DGCR8: variants seen among roughly 807,000 people sequenced by gnomAD.
DGCR8 encodes microprocessor complex subunit DGCR8.
In DGCR8, 14 loss-of-function variants were observed where a neutral mutation model predicts 78.5. That is an observed-to-expected ratio of 0.18 (90% CI 0.12 to 0.28). The LOEUF (loss-of-function observed/expected upper bound fraction) is 0.28, where lower values mean the gene tolerates loss of function less well. DGCR8 is among the 10% of genes least tolerant of loss of function. The pLI, the probability that DGCR8 is intolerant of heterozygous loss-of-function variation, is 1.00. For synonymous variants in DGCR8, 399 were observed against 402.4 expected, an observed-to-expected ratio of 0.99 and a Z score of 0.10; for missense variants, 702 against 1,022.5, an observed-to-expected ratio of 0.69 and a Z score of 4.28.
At chr22:20,097,808 T>C (rs1367695050) in intron 9 of DGCR8, among the ~76,000 whole-genome samples, 3 of 129,180 alleles carry the variant, frequency 2.3e-5, no homozygotes, top group Non-Finnish European at 4.7e-5. Flanking sequence ...GTTTTTATAC[T>C]TTAATTCTTT....
chr22:20,106,385 C>T, intron 10 of DGCR8, 108 bp downstream of exon 10: 1 of 1,022,648 alleles, frequency 9.8e-7, no homozygotes. Context: ...GGCCAGGTTT[C>T]CCTGGGTACA....
intron 7 of DGCR8, 114 bp from the exon 8 acceptor site, chr22:20,092,695 A>T: frequency 1.2e-6 from 1 of 848,688 alleles, no homozygotes; most frequent in Non-Finnish European, 1.9e-6. Flanking sequence ...GCACAGGCCC[A>T]CTCTCTGCAG....
At chr22:20,095,234 T>G (rs2049614289) in intron 9 of DGCR8, among the ~76,000 whole-genome samples, 1 of 152,086 alleles carries the variant, frequency 6.6e-6, no homozygotes, top group Admixed American at 6.5e-5. Context: ...GCTTCCTGAG[T>G]AGCTGGGATT....
chr22:20,102,134 G>A (rs2049710388), intron 9 of DGCR8: 1 of 923,376 alleles, frequency 1.1e-6, no homozygotes, highest in African/African-American at 1.8e-5. Flanking sequence ...TTCACTTTTT[G>A]GTACAGTACT....
chr22:20,081,637 C>T (rs1602473302), intron 1 of DGCR8, among the ~76,000 whole-genome samples: 1 of 152,322 alleles, frequency 6.6e-6, no homozygotes, highest in Admixed American at 6.5e-5. Context: ...TGTGATGTCA[C>T]CCAGCCTCCT....
At position 20,095,737 on chromosome 22, in the gene DGCR8, A is replaced by G. The variant is rs174889; in HGVS notation, c.1788+942A>G. 3.7e-3 allele frequency among the ~76,000 whole-genome samples: 558 copies of G among 152,236 alleles called. 4 individuals are homozygous for G. Among genetic ancestry groups the G allele is most frequent in the Non-Finnish European group, 6.6e-3 (446 of 68,012 alleles). On this transcript the variant is annotated intron_variant, in intron 9 of 13. Coordinates refer to ENST00000351989, the MANE Select transcript of DGCR8 (RefSeq NM_022720.7). The stretch of plus-strand genomic sequence containing the variant: ...CATTTATTGTGCACTTTTTATTTCT[A>G]TTATCACTACACTGTAATATGTAAT...
At chr22:20,110,003 C>G (rs1217400105) in intron 13 of DGCR8, 22 bp from the exon 14 acceptor site, 1 of 1,613,014 alleles carries the variant, frequency 6.2e-7, no homozygotes, top group Non-Finnish European at 8.5e-7. Flanking sequence ...ACTGGTACCC[C>G]TGACCTTTGT....
rs9618739 is a variant in DGCR8 at position 20,087,489 on chromosome 22, C to T, written c.880+168C>T. On this transcript the variant is annotated intron_variant, in intron 3 of 13. Coordinates refer to ENST00000351989, the MANE Select transcript of DGCR8 (RefSeq NM_022720.7). This position sits in a 1 kb window ranked among gnomAD's most constrained non-coding sequence, Gnocchi z 4.1. ...AGGAGGGAAACACAGGATGGGAGGA[C>T]GTCCTGATGCATGACCCAGATGCGG... Among the ~76,000 whole-genome samples, 33 of 152,118 alleles carry T rather than the reference C, an allele frequency of 2.2e-4. No homozygotes were observed. The East Asian group carries it at 4.8e-3, about 22-fold the overall frequency.
chr22:20,106,708 CCTT>C lies in DGCR8; in HGVS notation c.1996+13_1996+15del, dbSNP rs772846235. ...ACAGTGCGCGGGTGGTGTAAGGACTCCTTCTCTGCTGCCTGGTGGCCGCTGGGC... is the reference window on the plus strand; with the variant it reads ...ACAGTGCGCGGGTGGTGTAAGGACTCCTCTGCTGCCTGGTGGCCGCTGGGC... On this transcript the variant is annotated intron_variant, in intron 11 of 13. Transcript: ENST00000351989. 4.3e-5 allele frequency: 68 copies of C among 1,599,222 alleles called. No individual in the cohort carries two copies. The South Asian group carries it at 6.3e-4, about 15-fold the overall frequency.
At position 20,089,094 on chromosome 22, in the gene DGCR8, G is replaced by A. The variant is rs1362588545; in HGVS notation, c.881-575G>A. On this transcript the variant is annotated intron_variant, in intron 3 of 13. Coordinates refer to ENST00000351989, the MANE Select transcript of DGCR8 (RefSeq NM_022720.7). This position sits in a 1 kb window ranked among gnomAD's most constrained non-coding sequence, Gnocchi z 4.9. ...ACGCTCTTCCCAGCAGTCAGGCCTG[G>A]TGGCAGGTGTCAAGTTGATAAGTCG... Among the ~76,000 whole-genome samples the A allele has an allele frequency of 6.6e-6, 1 of 152,238 alleles. No homozygotes were observed. Among genetic ancestry groups the A allele is most frequent in the Non-Finnish European group, 1.5e-5 (1 of 68,040 alleles).
chr22:20,092,000 A>G (rs1206989655), intron 7 of DGCR8, 30 bp downstream of exon 7: 1 of 1,565,284 alleles, frequency 6.4e-7, no homozygotes, highest in African/African-American at 1.4e-5. Flanking sequence ...TTTCAGTCCT[A>G]AAGAATCACA....
chr22:20,091,832 T>C (rs1267734191), intron 6 of DGCR8, 37 bp from the exon 7 acceptor site: 1 of 1,594,906 alleles, frequency 6.3e-7, no homozygotes, highest in Non-Finnish European at 8.6e-7. Flanking sequence ...CTTGTGGCAC[T>C]GCTTCACACT....
intron 11 of DGCR8, 76 bp from the exon 12 acceptor site, chr22:20,107,195 G>C: frequency 1.3e-6 from 2 of 1,579,232 alleles, no homozygotes; most frequent in East Asian, 4.5e-5. Context: ...GGTCAGGAGG[G>C]CTGGGAGCGG....
rs1314258293 is a variant in DGCR8, at chr22:20,091,555, C to T, written c.1427C>T (p.Ala476Val). ...AATCGGGAAATGAAGCGGAAGCAGG[C>T]GGAGTCCGAGAGGCCCATCTTGCCA... is the stretch of plus-strand genomic sequence containing the variant. ...QFNREMKRKQ[A>V]ESERPILPAN... Residue 476 changes from alanine (A) to valine (V), a missense_variant, in exon 6 of 14, where the codon GCG becomes GTG. Around this residue, in one of 4 missense-constraint regions of DGCR8, gnomAD observed 225 missense variants for 427.7 expected, o/e 0.53. Coordinates refer to ENST00000351989, the MANE Select transcript of DGCR8 (RefSeq NM_022720.7). 23 of 1,614,194 alleles carry T rather than the reference C, an allele frequency of 1.4e-5. No homozygotes were observed. Among genetic ancestry groups the T allele is most frequent in the East Asian group, 1.1e-4 (5 of 44,886 alleles).
intron 3 of DGCR8, among the ~76,000 whole-genome samples, chr22:20,088,343 A>G (rs1301879321): frequency 6.6e-6 from 1 of 152,142 alleles, no homozygotes; most frequent in African/African-American, 2.4e-5. Context: ...CAACAGGCTC[A>G]TTCAGAAGGT....
chr22:20,096,341 G>T (rs191316054), intron 9 of DGCR8: 389 of 467,702 alleles, frequency 8.3e-4, no homozygotes, highest in African/African-American at 7.9e-3. Flanking sequence ...GTATCTCAGG[G>T]GTGGCAGAGG....
At chr22:20,106,800 C>A in intron 11 of DGCR8, 102 bp downstream of exon 11, 1 of 829,488 alleles carries the variant, frequency 1.2e-6, no homozygotes, top group Non-Finnish European at 2.0e-6. Context: ...CTGGCATTGT[C>A]CCTGAGCCCA....
At chr22:20,100,733 G>A in intron 9 of DGCR8, 1 of 985,424 alleles carries the variant, frequency 1.0e-6, no homozygotes, top group Non-Finnish European at 1.2e-6. Context: ...TCCCCAGGTG[G>A]AGAAGGACAT....
chr22:20,111,658 C>T lies in DGCR8; in HGVS notation c.*1550C>T, dbSNP rs2049848084. 3.0e-6 allele frequency: 1 copy of T among 334,376 alleles called. No individual in the cohort carries two copies. The highest frequency in any genetic ancestry group is 5.4e-6 in the Non-Finnish European group (1 of 185,592). 20.7% of individuals were successfully genotyped at this position (334,376 alleles called of 1,614,324 possible). Reference sequence around the variant, plus strand: ...GGAGCCTCGCTGTGTCTTGCTGTTCCCAGGCACCACCACAGCAGGTGCTGC... The same window carrying T: ...GGAGCCTCGCTGTGTCTTGCTGTTCTCAGGCACCACCACAGCAGGTGCTGC... On this transcript the variant is annotated 3_prime_UTR_variant, in exon 14 of 14. Transcript: ENST00000351989.
Sources: allele counts gnomAD v4.1 joint callset (sites outside exome capture counted in the v4.1 genomes callset), GRCh38; gene constraint gnomAD v4.1.1; regional missense constraint gnomAD v4.1.1; non-coding constraint Gnocchi (gnomAD v3.1); transcripts MANE v1.5; gene names NCBI Gene and HGNC (gene_info 2026-07-23, HGNC 2026-07-21).